Variants in MIER3 observed in about 807,000 individuals in gnomAD.
MIER3 encodes the protein mesoderm induction early response protein 3.
In MIER3, 9 loss-of-function variants were observed where a neutral mutation model predicts 63.2. The observed-to-expected ratio is 0.14, with a 90% CI of 0.09 to 0.25. The LOEUF (loss-of-function observed/expected upper bound fraction) is 0.25. Ranked by LOEUF, MIER3 falls within the 10% of genes least tolerant of loss-of-function variation. The pLI is 1.00. For synonymous variants in MIER3, 205 were observed against 224.9 expected, an observed-to-expected ratio of 0.91 and a Z score of 0.79; for missense variants, 512 against 666.2, an observed-to-expected ratio of 0.77 and a Z score of 2.55.
intron 3 of MIER3, chr5:56,941,062 T>C (rs1750628036): frequency 1.0e-6 from 1 of 985,336 alleles, no homozygotes. Flanking sequence ...GGCTGAGGGC[T>C]ACTAGCTACT....
At chr5:56,951,019 C>T (rs1301934842) in intron 1 of MIER3, among the ~76,000 whole-genome samples, 3 of 152,128 alleles carry the variant, frequency 2.0e-5, no homozygotes, top group African/African-American at 7.2e-5. Flanking sequence ...TCCCACCCGG[C>T]TCTCCGAAGC....
intron 9 of MIER3, chr5:56,929,591 G>A (rs173763): frequency 0.69 from 105,624 of 151,980 alleles, 37,156 homozygotes; most frequent in Non-Finnish European, 0.75. Context: ...AAAACCACAA[G>A]TTCTTTAATT....
chr5:56,927,843 C>T (rs1367590930), intron 10 of MIER3: 1 of 152,078 alleles, frequency 6.6e-6, no homozygotes, highest in East Asian at 1.9e-4. Flanking sequence ...GTTTCATTGC[C>T]CTGAAAATGG....
upstream of MIER3, chr5:56,952,197 G>T: frequency 9.5e-7 from 1 of 1,050,110 alleles, no homozygotes; most frequent in African/African-American, 1.7e-5. Flanking sequence ...GCCGCGGTCC[G>T]CCCGGCACCC....
intron 3 of MIER3, chr5:56,940,944 G>C (rs918397680): frequency 1.0e-6 from 1 of 984,306 alleles, no homozygotes; most frequent in Non-Finnish European, 1.2e-6. Context: ...TAGTATTTCC[G>C]CAGAACCTCA....
At chr5:56,925,833 A>T (rs1401935712) in intron 10 of MIER3, among the ~76,000 whole-genome samples, 1 of 152,014 alleles carries the variant, frequency 6.6e-6, no homozygotes, top group African/African-American at 2.4e-5. Flanking sequence ...ACAGTCCCCA[A>T]CTTCAAGATT....
chr5:56,920,348 T>C lies in MIER3; in HGVS notation c.*2780A>G, dbSNP rs896333624. 7 of 152,556 alleles carry C rather than the reference T, an allele frequency of 4.6e-5. No individual in the cohort carries two copies. Among genetic ancestry groups the C allele is most frequent in the African/African-American group, 1.4e-4 (6 of 41,456 alleles). The allele number at this position is 152,556 out of a possible 1,614,324, so 9.5% of individuals were successfully genotyped here. ...CAGTTACACTTCTAAATGAATCCAC[T>C]GTCCTTTTCAAATTCCCTGTACATA... On this transcript the variant is annotated 3_prime_UTR_variant, in exon 13 of 13. Coordinates refer to ENST00000381199, the MANE Select transcript of MIER3 (RefSeq NM_001297599.2).
At chr5:56,947,445 A>T (rs1313952983) in intron 2 of MIER3, among the ~76,000 whole-genome samples, 1 of 152,190 alleles carries the variant, frequency 6.6e-6, no homozygotes, top group Non-Finnish European at 1.5e-5. Flanking sequence ...AGAAAGATTA[A>T]ATTTCCATGA....
intron 10 of MIER3, among the ~76,000 whole-genome samples, chr5:56,924,990 T>G (rs73136966): frequency 0.032 from 4,937 of 152,320 alleles, 274 homozygotes; most frequent in African/African-American, 0.11. Context: ...CTACAGACCT[T>G]TTCTGTCTTA....
intron 6 of MIER3, 60 bp downstream of exon 6, chr5:56,935,606 T>C (rs949089310): frequency 5.8e-6 from 9 of 1,540,154 alleles, no homozygotes; most frequent in Non-Finnish European, 7.1e-6. Flanking sequence ...AAAATTATCA[T>C]AAATCATTTC....
At chr5:56,937,902 C>T (rs772384609) in intron 4 of MIER3, among the ~76,000 whole-genome samples, 28 of 151,022 alleles carry the variant, frequency 1.9e-4, no homozygotes, top group Non-Finnish European at 3.7e-4. Context: ...AAATGATAAT[C>T]AGTGCAACCA....
At position 56,946,988 on chromosome 5, in the gene MIER3, C is replaced by T; in HGVS notation, c.118G>A (p.Glu40Lys). 1.9e-6 allele frequency: 3 copies of T among 1,609,394 alleles called. No individual in the cohort carries two copies. Among genetic ancestry groups the T allele is most frequent in the Non-Finnish European group, 2.5e-6 (3 of 1,178,462 alleles). The change falls in exon 3 of 13, where the codon GAA becomes AAA. Residue 40 changes from glutamate to lysine, a missense_variant. Coordinates refer to ENST00000381199, the MANE Select transcript of MIER3 (RefSeq NM_001297599.2). ...CCCTCATCCATCATTTCCTCTTCTT[C>T]AAGAGTTCTTTCATCATCATAGTCA... ...VHDYDDERTL[E>K]EEEMMDEGKN...
rs891861580 is a variant in MIER3 at position 56,947,163 on chromosome 5, A to G, written c.35-92T>C. On this transcript the variant is annotated intron_variant, in intron 2 of 12. Transcript: ENST00000381199. ...TGTGTTCTTCTGCCAGTCCCTTTTC[A>G]TGTTTATATGAGGGTTTTACTAAAT... 6.3e-5 allele frequency: 78 copies of G among 1,239,742 alleles called. No homozygotes were observed. In the African/African-American group the frequency reaches 1.1e-3, roughly 17 times the overall value. 76.8% of individuals were successfully genotyped at this position (1,239,742 alleles called of 1,614,324 possible).
At chr5:56,927,173 G>A (rs252897) in intron 10 of MIER3, among the ~76,000 whole-genome samples, 106,518 of 151,934 alleles carry the variant, frequency 0.7, 37,730 homozygotes, top group Non-Finnish European at 0.75. Flanking sequence ...TGGTGGATAT[G>A]TATCATTATA....
intron 3 of MIER3, chr5:56,940,855 T>C (rs1389840109): frequency 4.3e-6 from 2 of 469,598 alleles, no homozygotes; most frequent in African/African-American, 2.1e-5. Context: ...GCAGAGTCCA[T>C]GCAGCCCATT....
At chr5:56,934,067 C>G (rs1342083659) in intron 7 of MIER3, among the ~76,000 whole-genome samples, 2 of 152,110 alleles carry the variant, frequency 1.3e-5, no homozygotes, top group Admixed American at 6.6e-5. Context: ...TGCCACTTTA[C>G]TCAAAGCTTC....
chr5:56,933,230 C>A lies in MIER3; in HGVS notation c.747+17G>T. ...TACTGTAAACTGGCTGCTGTTTCAA[C>A]AGAAGCTGAAGTATACCTGTTCATT... On this transcript the variant is annotated intron_variant, in intron 8 of 12. Coordinates refer to ENST00000381199, the MANE Select transcript of MIER3 (RefSeq NM_001297599.2). The A allele has an allele frequency of 6.4e-7, 1 of 1,560,992 alleles. No homozygotes were observed. The highest frequency in any genetic ancestry group is 8.7e-7 in the Non-Finnish European group (1 of 1,155,082).
At chr5:56,937,072 C>A (rs1750471010) in intron 5 of MIER3, 1 of 151,178 alleles carries the variant, frequency 6.6e-6, no homozygotes, top group South Asian at 2.1e-4. Context: ...TTTATTTTAT[C>A]TTATTATTAT....
chr5:56,944,799 A>T lies in MIER3; in HGVS notation c.180+2127T>A, dbSNP rs147240162. On this transcript the variant is annotated intron_variant, in intron 3 of 12. Transcript: ENST00000381199. The stretch of plus-strand genomic sequence containing the variant: ...CTTGAACTTCTGGGATGATCAAGTG[A>T]TCCTCCCACCTCAGCCTCCCAAGTA... Among the ~76,000 whole-genome samples the T allele has an allele frequency of 2.6e-5, 4 of 152,174 alleles. No homozygotes were observed. In the East Asian group the frequency reaches 7.7e-4, roughly 29 times the overall value.
Sources: gnomAD v4.1 joint callset for allele counts (sites outside exome capture counted in the v4.1 genomes callset) on GRCh38, gnomAD v4.1.1 for gene constraint, MANE v1.5 for transcripts, NCBI Gene and HGNC (gene_info 2026-07-23, HGNC 2026-07-21) for gene names.